HAT1: variants seen among roughly 807,000 people sequenced by gnomAD.
The protein encoded by HAT1 is histone acetyltransferase type B catalytic subunit.
HAT1 carries 20 observed loss-of-function variants against 56.6 expected under a neutral mutation model. That is an observed-to-expected ratio of 0.35 (90% confidence interval 0.25 to 0.51). The LOEUF (loss-of-function observed/expected upper bound fraction) is 0.51, where lower values mean the gene tolerates loss of function less well. Ranked by LOEUF, HAT1 falls within the 20% of genes least tolerant of loss-of-function variation. The pLI is 0.95. For missense variants in HAT1, 408 were observed against 504.3 expected (o/e 0.81, Z 1.83); for synonymous variants, 146 against 165.5 (o/e 0.88, Z 0.91).
intron 4 of HAT1, among the ~76,000 whole-genome samples, chr2:171,962,067 G>C (rs1161048270): frequency 6.6e-6 from 1 of 151,984 alleles, no homozygotes; most frequent in Non-Finnish European, 1.5e-5. Context: ...AGATGTTAGA[G>C]AGGTTATTGG....
At chr2:171,965,936 ACCTT>A in intron 6 of HAT1, 28 bp downstream of exon 6, 1 of 1,582,454 alleles carries the variant, frequency 6.3e-7, no homozygotes. Context: ...GCAACAGTAG[ACCTT>A]ATTACCTCCA....
chr2:171,968,752 C>T (rs897845475), intron 8 of HAT1, among the ~76,000 whole-genome samples: 4 of 152,148 alleles, frequency 2.6e-5, no homozygotes, highest in Admixed American at 6.5e-5. Flanking sequence ...TTTCCATACC[C>T]AGTCCTTAAA....
chr2:171,940,357 A>G (rs1372585981), intron 2 of HAT1, among the ~76,000 whole-genome samples: 2 of 152,012 alleles, frequency 1.3e-5, no homozygotes. Context: ...TGGTGACTCA[A>G]CCCTCTCTAA....
chr2:171,944,988 C>T (rs962001048), intron 2 of HAT1, among the ~76,000 whole-genome samples: 4 of 152,154 alleles, frequency 2.6e-5, no homozygotes, highest in East Asian at 1.9e-4. Context: ...TCTCATGCCT[C>T]AGCCTCCAGA....
At chr2:171,952,810 T>G in intron 3 of HAT1, 71 bp from the exon 4 acceptor site, 1 of 926,470 alleles carries the variant, frequency 1.1e-6, no homozygotes, top group Non-Finnish European at 1.6e-6. Context: ...TTAAACTTGT[T>G]TATATGTAGG....
chr2:171,952,793 C>G, intron 3 of HAT1, 88 bp from the exon 4 acceptor site: 1 of 688,312 alleles, frequency 1.5e-6, no homozygotes, highest in Non-Finnish European at 2.3e-6. Context: ...TGAAACTACC[C>G]ATGAAGTTAA....
At chr2:171,936,955 G>GTATT (rs768114015) in intron 2 of HAT1, among the ~76,000 whole-genome samples, 86 of 152,126 alleles carry the variant, frequency 5.7e-4, no homozygotes, top group Non-Finnish European at 1.0e-3. Context: ...AAATACTTAA[G>GTATT]TATTTATTTA....
At chr2:171,937,653 C>T (rs2105310154) in intron 2 of HAT1, among the ~76,000 whole-genome samples, 1 of 152,200 alleles carries the variant, frequency 6.6e-6, no homozygotes, top group Admixed American at 6.5e-5. Context: ...TTAATAACAT[C>T]TACTGTTATG....
At chr2:171,925,799 T>C (rs751085328) in intron 2 of HAT1, among the ~76,000 whole-genome samples, 158 bp downstream of exon 2, 2 of 152,244 alleles carry the variant, frequency 1.3e-5, no homozygotes, top group Non-Finnish European at 2.9e-5. Flanking sequence ...TATTCAGTTT[T>C]GATTTATGTC....
At chr2:171,926,682 G>C (rs1300392011) in intron 2 of HAT1, among the ~76,000 whole-genome samples, 1 of 152,164 alleles carries the variant, frequency 6.6e-6, no homozygotes, top group Non-Finnish European at 1.5e-5. Context: ...CCCTGGCTTG[G>C]CCTCCCAAAG....
At chr2:171,949,448 C>T (rs1418640059) in intron 3 of HAT1, among the ~76,000 whole-genome samples, 4 of 152,062 alleles carry the variant, frequency 2.6e-5, no homozygotes, top group Admixed American at 6.6e-5. Flanking sequence ...GAGGCCGAGG[C>T]GGGAGGTTTG....
chr2:171,952,679 C>T (rs1184669530), intron 3 of HAT1, among the ~76,000 whole-genome samples: 2 of 152,182 alleles, frequency 1.3e-5, no homozygotes, highest in African/African-American at 2.4e-5. Flanking sequence ...TTAACCCAAA[C>T]AACATTCCTG....
At chr2:171,945,831 G>A (rs1278721495) in intron 2 of HAT1, among the ~76,000 whole-genome samples, 6 of 152,092 alleles carry the variant, frequency 3.9e-5, no homozygotes, top group African/African-American at 4.8e-5. Context: ...CACCATGCCC[G>A]GCTAATTTTT....
At chr2:171,971,922 G>A (rs939540994) in intron 8 of HAT1, among the ~76,000 whole-genome samples, 1 of 152,148 alleles carries the variant, frequency 6.6e-6, no homozygotes, top group African/African-American at 2.4e-5. Flanking sequence ...GGACTGGCTG[G>A]GCTTGGGCCA....
chr2:171,940,853 G>T (rs1401880438), intron 2 of HAT1, among the ~76,000 whole-genome samples: 1 of 152,036 alleles, frequency 6.6e-6, no homozygotes, highest in Non-Finnish European at 1.5e-5. Context: ...CTTTTTGTTG[G>T]CAGTCTTAGA....
In HAT1 at chr2:171,965,781, C is replaced by T; in HGVS notation, c.490-6C>T. 6.2e-7 allele frequency: 1 copy of T among 1,611,420 alleles called. No individual in the cohort carries two copies. Among genetic ancestry groups the T allele is most frequent in the Non-Finnish European group, 8.5e-7 (1 of 1,179,020 alleles). On this transcript the variant is annotated splice_polypyrimidine_tract_variant and splice_region_variant and intron_variant, in intron 5 of 10. Transcript: ENST00000264108. ...TTCACCTGACTTTTCCTGGCTTTTT[C>T]CCTAGGCTGACATGACATGTAGAGG...
chr2:171,951,904 C>T (rs1687317985), intron 3 of HAT1, among the ~76,000 whole-genome samples: 1 of 152,080 alleles, frequency 6.6e-6, no homozygotes, highest in South Asian at 2.1e-4. Flanking sequence ...GTATCATTGC[C>T]ACTCCTTTCT....
intron 6 of HAT1, chr2:171,966,163 A>G: frequency 3.3e-6 from 2 of 604,998 alleles, no homozygotes; most frequent in South Asian, 3.9e-5. Flanking sequence ...GTTTTCTTTT[A>G]CTTGCCACCT....
intron 3 of HAT1, 127 bp from the exon 4 acceptor site, chr2:171,952,754 A>G (rs919786228): frequency 6.1e-6 from 3 of 495,436 alleles, no homozygotes; most frequent in African/African-American, 6.0e-5. Flanking sequence ...TTTATTGTAG[A>G]TTTTTTTTTT....
Sources: gnomAD v4.1 joint callset for allele counts (sites outside exome capture counted in the v4.1 genomes callset) on GRCh38, gnomAD v4.1.1 for gene constraint, MANE v1.5 for transcripts, NCBI Gene and HGNC (gene_info 2026-07-23, HGNC 2026-07-21) for gene names.